Variants in GFOD2 observed in about 807,000 individuals in gnomAD.
GFOD2 encodes the protein Gfo/Idh/MocA-like oxidoreductase domain containing 2.
A neutral mutation model predicts 24.6 loss-of-function variants in GFOD2; 9 were observed. The observed-to-expected ratio is 0.37, with a 90% CI of 0.22 to 0.64. The LOEUF (loss-of-function observed/expected upper bound fraction) is 0.64, where lower values mean the gene tolerates loss of function less well. GFOD2 is among the 30% of genes least tolerant of loss of function. The pLI, the probability that GFOD2 is intolerant of heterozygous loss-of-function variation, is 0.65. For synonymous variants in GFOD2, 211 were observed against 224.8 expected, an observed-to-expected ratio of 0.94 and a Z score of 0.55; for missense variants, 476 against 532.5, an observed-to-expected ratio of 0.89 and a Z score of 1.04.
chr16:67,689,023 G>A (rs2053290937), intron 1 of GFOD2, among the ~76,000 whole-genome samples: 1 of 149,318 alleles, frequency 6.7e-6, no homozygotes, highest in Admixed American at 6.7e-5. Flanking sequence ...ACAGGCGTGA[G>A]CCACCGAGCC....
intron 1 of GFOD2, among the ~76,000 whole-genome samples, chr16:67,699,100 T>G (rs952865854): frequency 6.6e-6 from 1 of 152,132 alleles, no homozygotes; most frequent in Admixed American, 6.5e-5. Context: ...CCCAGCACTT[T>G]GGGAGGCCAA....
intron 1 of GFOD2, among the ~76,000 whole-genome samples, chr16:67,692,228 T>TA (rs58414730): frequency 0.076 from 8,280 of 109,260 alleles, 749 homozygotes; most frequent in African/African-American, 0.23. Flanking sequence ...ATGAACTTGG[T>TA]AAAAAAAAAA....
At chr16:67,679,508 C>T (rs925854127) in intron 2 of GFOD2, among the ~76,000 whole-genome samples, 3 of 151,984 alleles carry the variant, frequency 2.0e-5, no homozygotes, top group South Asian at 4.1e-4. Flanking sequence ...AGTGCTGGGG[C>T]GTGAGCCACC....
intron 1 of GFOD2, among the ~76,000 whole-genome samples, chr16:67,696,996 C>A (rs2053364188): frequency 6.6e-6 from 1 of 152,232 alleles, no homozygotes; most frequent in Non-Finnish European, 1.5e-5. Context: ...TTGTCTTTAA[C>A]ATCCTTGCAC....
rs546895322 is a variant in GFOD2, at chr16:67,685,942, G to A, written c.-87-140C>T. ...GCGAAGGCTACTTTCAAATAAGGAA[G>A]TAACAAGTTCTCTGCCAGAAAAGCA... On this transcript the variant is annotated intron_variant, in intron 1 of 2. Coordinates refer to ENST00000268797, the MANE Select transcript of GFOD2 (RefSeq NM_030819.4). 1.4e-4 allele frequency: 75 copies of A among 531,058 alleles called. No individual in the cohort carries two copies. In the South Asian group the frequency reaches 1.9e-3, roughly 14 times the overall value. The allele number at this position is 531,058 out of a possible 1,614,324, so 32.9% of individuals were successfully genotyped here.
chr16:67,710,158 C>T (rs1414449540), intron 1 of GFOD2, among the ~76,000 whole-genome samples: 2 of 151,682 alleles, frequency 1.3e-5, no homozygotes, highest in Non-Finnish European at 2.9e-5. Context: ...CAGGGTCTTG[C>T]TCTGTTGGTC....
At chr16:67,713,456 A>G (rs2053489484) in intron 1 of GFOD2, among the ~76,000 whole-genome samples, 1 of 152,106 alleles carries the variant, frequency 6.6e-6, no homozygotes, top group South Asian at 2.1e-4. Flanking sequence ...GCTCAGTCCC[A>G]CAGACTTCCC....
chr16:67,710,751 T>C (rs2053468092), intron 1 of GFOD2, among the ~76,000 whole-genome samples: 1 of 152,174 alleles, frequency 6.6e-6, no homozygotes, highest in South Asian at 2.1e-4. Context: ...TGAGGCTCAA[T>C]TACGATAAAA....
intron 1 of GFOD2, among the ~76,000 whole-genome samples, chr16:67,696,088 A>C (rs1211677166): frequency 2.0e-5 from 3 of 150,014 alleles, no homozygotes; most frequent in Non-Finnish European, 4.4e-5. Flanking sequence ...ATCTCGGCTC[A>C]CTGCAACCTC....
chr16:67,701,036 CAAAA>C (rs1196263484), intron 1 of GFOD2, among the ~76,000 whole-genome samples: 4 of 68,420 alleles, frequency 5.8e-5, no homozygotes, highest in Admixed American at 1.7e-4. Flanking sequence ...GACTCTGTCT[CAAAA>C]AAAAAAAAAA....
intron 1 of GFOD2, among the ~76,000 whole-genome samples, chr16:67,714,484 A>G (rs2053495232): frequency 6.6e-6 from 1 of 151,938 alleles, no homozygotes. Context: ...AAAAAAAAAA[A>G]AAAAAAAAAA....
At chr16:67,685,087 G>A in intron 2 of GFOD2, 1 of 1,228,256 alleles carries the variant, frequency 8.1e-7, no homozygotes, top group African/African-American at 1.5e-5. Context: ...CTGTGGTGCT[G>A]TGTGCCCCAG....
chr16:67,702,242 G>C (rs1457475787), intron 1 of GFOD2, among the ~76,000 whole-genome samples: 1 of 152,124 alleles, frequency 6.6e-6, no homozygotes, highest in Non-Finnish European at 1.5e-5. Context: ...CCAGCAGTTT[G>C]AGAGGCTGAG....
intron 1 of GFOD2, among the ~76,000 whole-genome samples, chr16:67,700,142 G>A (rs1191107476): frequency 6.6e-6 from 1 of 151,830 alleles, no homozygotes; most frequent in Non-Finnish European, 1.5e-5. Flanking sequence ...GGGAGGCCAA[G>A]GTGGGCAGAT....
At chr16:67,688,639 AAG>A (rs2053285741) in intron 1 of GFOD2, among the ~76,000 whole-genome samples, 1 of 152,158 alleles carries the variant, frequency 6.6e-6, no homozygotes, top group Admixed American at 6.6e-5. Context: ...TGAAACAGAC[AAG>A]AGTGATGTGG....
chr16:67,699,428 G>C lies in GFOD2; in HGVS notation c.-87-13626C>G, dbSNP rs145398379. Among the ~76,000 whole-genome samples, 75 of 152,146 alleles carry C rather than the reference G, an allele frequency of 4.9e-4. No homozygotes were observed. In the East Asian group the frequency reaches 0.014, roughly 27 times the overall value. On this transcript the variant is annotated intron_variant, in intron 1 of 2. Coordinates refer to ENST00000268797, the MANE Select transcript of GFOD2 (RefSeq NM_030819.4). ...AGGGGTTTAATCCCAGGAATGCAAG[G>C]CTGGCTCAACATTCTAAAATCAACT...
At chr16:67,700,738 A>G (rs1444366820) in intron 1 of GFOD2, among the ~76,000 whole-genome samples, 1 of 151,084 alleles carries the variant, frequency 6.6e-6, no homozygotes, top group South Asian at 2.1e-4. Context: ...CAAACAAACA[A>G]AAAACAAATT....
intron 1 of GFOD2, among the ~76,000 whole-genome samples, chr16:67,714,565 A>T (rs1488073657): frequency 6.6e-6 from 1 of 152,166 alleles, no homozygotes; most frequent in South Asian, 2.1e-4. Context: ...GAAAGTAAAT[A>T]ATAAAGATTT....
chr16:67,685,028 C>T (rs535535550), intron 2 of GFOD2: 10 of 1,092,474 alleles, frequency 9.2e-6, no homozygotes, highest in Non-Finnish European at 1.1e-6. Flanking sequence ...TATAGTCAAA[C>T]GCTGACAAAA....
Sources: allele counts gnomAD v4.1 joint callset (sites outside exome capture counted in the v4.1 genomes callset), GRCh38; gene constraint gnomAD v4.1.1; transcripts MANE v1.5; gene names NCBI Gene and HGNC (gene_info 2026-07-23, HGNC 2026-07-21).